CPEB2: variants seen among roughly 807,000 people sequenced by gnomAD.
CPEB2 encodes cytoplasmic polyadenylation element binding protein 2, also known as cytoplasmic polyadenylation element-binding protein 2.
Under a neutral mutation model 93.6 loss-of-function variants are expected in CPEB2, and 56 were observed. That is an observed-to-expected ratio of 0.60 (90% CI 0.48 to 0.75). CPEB2 has a LOEUF of 0.75. CPEB2 is among the 30% of genes least tolerant of loss of function. The probability of loss-of-function intolerance (pLI) is 0.00; values close to 1 mark genes in which losing one functional copy is unlikely to be tolerated. For synonymous variants in CPEB2, 764 were observed against 586.3 expected (o/e 1.30, Z -4.38); for missense variants, 1,579 against 1,395.1 (o/e 1.13, Z -2.10).
chr4:15,048,433 C>T (rs1727918445), intron 6 of CPEB2, among the ~76,000 whole-genome samples: 1 of 151,706 alleles, frequency 6.6e-6, no homozygotes, highest in African/African-American at 2.4e-5. Flanking sequence ...TTTTTTCTCC[C>T]TGTGCCATTT....
In CPEB2 at chr4:15,066,126, T is replaced by A. The variant is rs753025329; in HGVS notation, c.2878-27T>A. 2.2e-5 allele frequency: 35 copies of A among 1,581,550 alleles called. No homozygotes were observed. The South Asian group carries it at 3.9e-4, about 18-fold the overall frequency. ...ATTTGATTTCTGAAGCAGACCCTAA[T>A]GAGACTTAACTTTCTTTTTTTTCAA... On this transcript the variant is annotated intron_variant, in intron 11 of 11. Coordinates refer to ENST00000538197, the MANE Select transcript of CPEB2 (RefSeq NM_001177382.2).
chr4:15,037,273 T>A (rs1726705032), intron 5 of CPEB2, among the ~76,000 whole-genome samples: 1 of 151,318 alleles, frequency 6.6e-6, no homozygotes, highest in Non-Finnish European at 1.5e-5. Context: ...ACTGCGCCAC[T>A]GCACTCCAGC....
intron 11 of CPEB2, among the ~76,000 whole-genome samples, chr4:15,063,275 C>T (rs1729375893): frequency 1.3e-5 from 2 of 151,638 alleles, no homozygotes; most frequent in Admixed American, 1.3e-4. Context: ...ATTACCCAAC[C>T]GTCTCATTTA....
intron 6 of CPEB2, among the ~76,000 whole-genome samples, chr4:15,043,994 A>G (rs181580838): frequency 1.2e-4 from 19 of 152,316 alleles, no homozygotes; most frequent in African/African-American, 4.6e-4. Context: ...ATTTGGAACA[A>G]TTGTGAAGTA....
intron 5 of CPEB2, among the ~76,000 whole-genome samples, chr4:15,036,353 A>T (rs917260552): frequency 2.6e-5 from 4 of 152,214 alleles, no homozygotes; most frequent in Non-Finnish European, 4.4e-5. Flanking sequence ...TGAAGAATTC[A>T]AATATGTTGA....
chr4:15,009,655 G>A (rs1723233619), intron 3 of CPEB2, among the ~76,000 whole-genome samples: 2 of 152,144 alleles, frequency 1.3e-5, no homozygotes, highest in Admixed American at 1.3e-4. Context: ...TCAAATAGAA[G>A]AGGACATAAT....
At chr4:15,017,022 CA>C (rs1308530415) in intron 3 of CPEB2, among the ~76,000 whole-genome samples, 165 bp from the exon 4 acceptor site, 1 of 151,832 alleles carries the variant, frequency 6.6e-6, no homozygotes, top group Non-Finnish European at 1.5e-5. Flanking sequence ...ATGCAAGGAA[CA>C]TTGTAGTTCA....
intron 5 of CPEB2, among the ~76,000 whole-genome samples, chr4:15,037,610 G>A (rs1726748422): frequency 6.6e-6 from 1 of 152,114 alleles, no homozygotes; most frequent in Admixed American, 6.5e-5. Context: ...TTGGAAACCA[G>A]AACCAAAATT....
intron 8 of CPEB2, among the ~76,000 whole-genome samples, chr4:15,054,995 A>G (rs1220555089): frequency 6.6e-6 from 1 of 152,236 alleles, no homozygotes; most frequent in Non-Finnish European, 1.5e-5. Context: ...TGAATTGTCA[A>G]GCCTGGAGAA....
rs936247302 is a variant in CPEB2 at position 15,069,351 on chromosome 4, A to G, written c.*2971A>G. 5.9e-5 allele frequency: 9 copies of G among 152,300 alleles called. No homozygotes were observed. The highest frequency in any genetic ancestry group is 1.3e-4 in the Non-Finnish European group (9 of 67,844). The allele number at this position is 152,300 out of a possible 1,614,324, so 9.4% of individuals were successfully genotyped here. ...TGTTTCTAATGTTTGTATAAAAAAA[A>G]ACAGTGTAAACCTTTTTAATGCAAA... On this transcript the variant is annotated 3_prime_UTR_variant, in exon 12 of 12. Transcript: ENST00000538197.
In CPEB2 at chr4:15,054,203, A is replaced by G; in HGVS notation, c.2447A>G (p.Tyr816Cys). Residue 816 changes from tyrosine (Y) to cysteine (C), a missense_variant, in exon 8 of 12, where the codon TAT becomes TGT. Tyr to Cys is a radical substitution (Grantham distance 194, BLOSUM62 -2). Coordinates refer to ENST00000538197, the MANE Select transcript of CPEB2 (RefSeq NM_001177382.2). The part of the protein sequence containing the change: ...DWPHKAESKS[Y>C]FPPKGYAFLL... ...CCTCATAAAGCAGAAAGCAAGTCCT[A>G]TTTTCCACCAAAAGGTAAGGATTGT... The G allele has an allele frequency of 1.2e-6, 2 of 1,608,906 alleles. No individual in the cohort carries two copies. The highest frequency in any genetic ancestry group is 1.7e-6 in the Non-Finnish European group (2 of 1,177,378).
At chr4:15,058,570 C>T in intron 9 of CPEB2, 31 bp downstream of exon 9, 2 of 1,247,638 alleles carry the variant, frequency 1.6e-6, no homozygotes, top group South Asian at 2.6e-5. Flanking sequence ...CTTCAGGCTA[C>T]AAATGCAAAT....
Position 15,067,777 on chromosome 4 carries a change from A to G in CPEB2, c.*1397A>G, listed in dbSNP as rs749774231. On this transcript the variant is annotated 3_prime_UTR_variant, in exon 12 of 12. Transcript: ENST00000538197. ...GAACTTGCTTATGTGTTTAACCTATAAATATTGGGGTCTTCTGTCTAAACT... is the reference window on the plus strand; with the variant it reads ...GAACTTGCTTATGTGTTTAACCTATGAATATTGGGGTCTTCTGTCTAAACT... 6.6e-6 allele frequency: 1 copy of G among 152,410 alleles called. No homozygotes were observed. The highest frequency in any genetic ancestry group is 2.4e-5 in the African/African-American group (1 of 41,428). 9.4% of individuals were successfully genotyped at this position (152,410 alleles called of 1,614,324 possible).
At chr4:15,045,530 A>C (rs894882512) in intron 6 of CPEB2, among the ~76,000 whole-genome samples, 1 of 152,122 alleles carries the variant, frequency 6.6e-6, no homozygotes, top group African/African-American at 2.4e-5. Context: ...TTCTTTCATA[A>C]CAATGCAGAG....
chr4:15,034,708 G>A (rs1726438859), intron 5 of CPEB2, among the ~76,000 whole-genome samples: 1 of 152,126 alleles, frequency 6.6e-6, no homozygotes, highest in Admixed American at 6.6e-5. Flanking sequence ...ACTTTTTTCG[G>A]ATCATTGGTT....
chr4:15,043,457 G>A (rs1340905878), intron 6 of CPEB2, among the ~76,000 whole-genome samples: 1 of 152,038 alleles, frequency 6.6e-6, no homozygotes, highest in Non-Finnish European at 1.5e-5. Context: ...GGTTCATATG[G>A]GGAGCTGACT....
At chr4:15,059,598 A>C (rs1288592889) in intron 10 of CPEB2, among the ~76,000 whole-genome samples, 1 of 152,136 alleles carries the variant, frequency 6.6e-6, no homozygotes, top group East Asian at 1.9e-4. Context: ...TACCTCTCTG[A>C]GATAAGAGAA....
intron 6 of CPEB2, among the ~76,000 whole-genome samples, chr4:15,048,309 G>A (rs1290063615): frequency 6.6e-6 from 1 of 151,844 alleles, no homozygotes; most frequent in East Asian, 1.9e-4. Context: ...TTCTTCAAAA[G>A]TCTAGTTCAT....
At chr4:15,064,497 G>A (rs543792312) in intron 11 of CPEB2, among the ~76,000 whole-genome samples, 1 of 151,376 alleles carries the variant, frequency 6.6e-6, no homozygotes, top group East Asian at 1.9e-4. Flanking sequence ...TGTAACTCCT[G>A]AACATCTGGT....
Sources: gnomAD v4.1 joint callset for allele counts (sites outside exome capture counted in the v4.1 genomes callset) on GRCh38, gnomAD v4.1.1 for gene constraint, MANE v1.5 for transcripts, NCBI Gene and HGNC (gene_info 2026-07-23, HGNC 2026-07-21) for gene names.